The following CFAP52 variants were observed in gnomAD, a reference collection of about 807,000 sequenced individuals.
CFAP52 encodes cilia and flagella associated protein 52.
In CFAP52, 57 loss-of-function variants were observed where a neutral mutation model predicts 70.5. The observed-to-expected ratio is 0.81, with a 90% CI of 0.65 to 1.01. CFAP52 has a LOEUF of 1.01. Among genes scored for constraint, CFAP52 ranks in the 50% least tolerant of loss-of-function variants. The pLI is 0.00. For missense variants in CFAP52, 785 were observed against 788.5 expected (o/e 1.00, Z 0.05); for synonymous variants, 267 against 292.5 (o/e 0.91, Z 0.89).
chr17:9,629,886 G>C (rs922033155), intron 9 of CFAP52, among the ~76,000 whole-genome samples: 7 of 151,836 alleles, frequency 4.6e-5, no homozygotes, highest in African/African-American at 1.7e-4. Context: ...CACTGCACCC[G>C]GTCCTCACTC....
chr17:9,634,616 T>C (rs1910696928), intron 10 of CFAP52, among the ~76,000 whole-genome samples: 1 of 151,614 alleles, frequency 6.6e-6, no homozygotes, highest in Admixed American at 6.6e-5. Flanking sequence ...ATACAAAAAT[T>C]AGCCAGGTGT....
intron 9 of CFAP52, 45 bp from the exon 10 acceptor site, chr17:9,632,843 T>C (rs766093848): frequency 6.2e-7 from 1 of 1,603,190 alleles, no homozygotes; most frequent in Admixed American, 1.7e-5. Context: ...GGAGAGAGGG[T>C]GCATATACTG....
At chr17:9,586,606 C>A (rs1368079736) in intron 2 of CFAP52, 92 bp from the exon 3 acceptor site, 31 of 1,343,640 alleles carry the variant, frequency 2.3e-5, no homozygotes, top group South Asian at 7.2e-5. Flanking sequence ...AGAAAAGTGA[C>A]AGTACTAATT....
At chr17:9,633,834 G>T (rs1258814399) in intron 10 of CFAP52, among the ~76,000 whole-genome samples, 1 of 151,218 alleles carries the variant, frequency 6.6e-6, no homozygotes, top group Non-Finnish European at 1.5e-5. Flanking sequence ...CTGCCACCAC[G>T]CCCAGCTAAT....
intron 1 of CFAP52, among the ~76,000 whole-genome samples, chr17:9,579,103 G>C (rs1463660271): frequency 6.6e-6 from 1 of 152,034 alleles, no homozygotes; most frequent in Non-Finnish European, 1.5e-5. Flanking sequence ...GGGCAGCGTG[G>C]GGATTGGGGA....
At chr17:9,592,375 A>G (rs959440242) in intron 3 of CFAP52, among the ~76,000 whole-genome samples, 6 of 152,046 alleles carry the variant, frequency 3.9e-5, no homozygotes, top group African/African-American at 1.2e-4. Context: ...AGGCTGAGGC[A>G]GGAGAATCGC....
In CFAP52 at chr17:9,641,750, G is replaced by A. The variant is rs760009668; in HGVS notation, c.1602G>A (p.Gly534=). 1.2e-6 allele frequency: 2 copies of A among 1,613,818 alleles called. No homozygotes were observed. The highest frequency in any genetic ancestry group is 1.7e-6 in the Non-Finnish European group (2 of 1,179,808). The part of the protein sequence containing the change: ...RKIAYWEVFD[G]TVIRELEGSL... ...TTGCTTACTGGGAAGTATTTGATGG[G>A]ACAGTAATCAGAGAATTGGAAGGTT... The change falls in exon 13 of 14, where the codon GGG becomes GGA. Residue 534 remains glycine, a synonymous_variant. Coordinates refer to ENST00000352665, the MANE Select transcript of CFAP52 (RefSeq NM_145054.5).
intron 7 of CFAP52, among the ~76,000 whole-genome samples, chr17:9,608,757 T>C (rs1909604453): frequency 6.6e-6 from 1 of 152,222 alleles, no homozygotes; most frequent in Non-Finnish European, 1.5e-5. Flanking sequence ...ACCTTATTTA[T>C]TGCCATAACA....
At chr17:9,596,061 A>ATGTG (rs71135995) in intron 4 of CFAP52, among the ~76,000 whole-genome samples, 81 of 50,748 alleles carry the variant, frequency 1.6e-3, no homozygotes, top group Non-Finnish European at 2.1e-3. Context: ...ATGTGTGTGT[A>ATGTG]TATATATATA....
intron 1 of CFAP52, among the ~76,000 whole-genome samples, chr17:9,582,711 A>G (rs1399669990): frequency 6.6e-6 from 1 of 152,210 alleles, no homozygotes; most frequent in Non-Finnish European, 1.5e-5. Flanking sequence ...ATCTCAGCTC[A>G]CTGCAACATC....
intron 8 of CFAP52, among the ~76,000 whole-genome samples, chr17:9,622,751 C>A (rs925093684): frequency 2.0e-5 from 3 of 152,120 alleles, no homozygotes; most frequent in Middle Eastern, 3.4e-3. Flanking sequence ...TAAATAAGCA[C>A]CTCAGTGACT....
At chr17:9,624,074 A>G (rs956523589) in intron 8 of CFAP52, among the ~76,000 whole-genome samples, 1 of 152,034 alleles carries the variant, frequency 6.6e-6, no homozygotes, top group Non-Finnish European at 1.5e-5. Context: ...TTTCTTCTTT[A>G]TAATATGTCA....
rs376192510 is a variant in CFAP52 at position 9,586,733 on chromosome 17, G to A, written c.306G>A (p.Glu102=). ...TTTTGTGGGATTATAAGAACAGAGA[G>A]CTGCTTGCTCGGCTGTCCCTTCACA... ...DIILWDYKNR[E]LLARLSLHKG... Residue 102 remains glutamate (E), a synonymous_variant, in exon 3 of 14, where the codon GAG becomes GAA. Transcript: ENST00000352665. 1.2e-6 allele frequency: 2 copies of A among 1,613,724 alleles called. No individual in the cohort carries two copies. Among genetic ancestry groups the A allele is most frequent in the East Asian group, 2.2e-5 (1 of 44,872 alleles).
chr17:9,601,942 T>C (rs1909288087), intron 6 of CFAP52, among the ~76,000 whole-genome samples: 1 of 152,188 alleles, frequency 6.6e-6, no homozygotes, highest in South Asian at 2.1e-4. Context: ...TACTGCACTG[T>C]GTTCCTGGGA....
rs1491283889 is a variant in CFAP52 at position 9,631,055 on chromosome 17, A to AG, written c.1175-1833_1175-1832insG. On this transcript the variant is annotated intron_variant, in intron 9 of 13. Coordinates refer to ENST00000352665, the MANE Select transcript of CFAP52 (RefSeq NM_145054.5). ...GAGAGAGAGAGAGAGAGAGAGAGAG[A>AG]AAGAAAGAAAGAAAGAAAGAAAGAA... Among the ~76,000 whole-genome samples the AG allele has an allele frequency of 3.5e-3, 378 of 109,374 alleles. 12 individuals carry two copies. Among genetic ancestry groups the AG allele is most frequent in the African/African-American group, 0.011 (276 of 25,460 alleles). 71.8% of individuals were successfully genotyped at this position (109,374 alleles called of 152,430 possible).
intron 6 of CFAP52, among the ~76,000 whole-genome samples, chr17:9,605,694 GAAAAAAAAAAAA>G (rs56157011): frequency 1.1e-4 from 6 of 56,970 alleles, no homozygotes; most frequent in Admixed American, 2.6e-4. Flanking sequence ...GACTCCATCT[GAAAAAAAAAAAA>G]AAAAAAAAAA....
intron 1 of CFAP52, among the ~76,000 whole-genome samples, chr17:9,577,787 C>A (rs946524996): frequency 6.6e-6 from 1 of 152,144 alleles, no homozygotes; most frequent in Non-Finnish European, 1.5e-5. Flanking sequence ...TGTAGAACCA[C>A]ACACATAGAA....
At chr17:9,635,667 G>T (rs772160639) in intron 11 of CFAP52, 111 bp downstream of exon 11, 15 of 1,393,426 alleles carry the variant, frequency 1.1e-5, no homozygotes, top group Non-Finnish European at 1.4e-5. Flanking sequence ...CTTATTTAAG[G>T]CAACACAGTA....
At chr17:9,626,356 A>G (rs1910232621) in intron 8 of CFAP52, among the ~76,000 whole-genome samples, 1 of 152,148 alleles carries the variant, frequency 6.6e-6, no homozygotes, top group Non-Finnish European at 1.5e-5. Context: ...CAGCCTCCCA[A>G]GTAGCTGGGA....
Sources: allele counts gnomAD v4.1 joint callset (sites outside exome capture counted in the v4.1 genomes callset), GRCh38; gene constraint gnomAD v4.1.1; transcripts MANE v1.5; gene names NCBI Gene and HGNC (gene_info 2026-07-23, HGNC 2026-07-21).